MTCL2: variants seen among roughly 807,000 people sequenced by gnomAD.
MTCL2 encodes microtubule crosslinking factor 2.
At chr20:36,863,181 C>A in the MTCL2 span, 2 of 1,268,696 alleles carry the variant, frequency 1.6e-6, no homozygotes, top group South Asian at 2.4e-5. This position sits in a 1 kb window ranked among gnomAD's most constrained non-coding sequence, Gnocchi z 6.2. Context: ...TGAGCCCGGG[C>A]CTGGGCCGCG....
chr20:36,827,942 C>T, the MTCL2 span, among the ~76,000 whole-genome samples: 1 of 152,222 alleles, frequency 6.6e-6, no homozygotes, highest in Admixed American at 6.5e-5. Context: ...CCCTTAGCAG[C>T]AAACGCCTCC....
the MTCL2 span, among the ~76,000 whole-genome samples, chr20:36,824,493 G>A: frequency 6.6e-6 from 1 of 151,994 alleles, no homozygotes; most frequent in Non-Finnish European, 1.5e-5. Flanking sequence ...TGGTTGCTGG[G>A]GGCAAGAGGG....
At chr20:36,815,082 A>T in the MTCL2 span, 2 of 1,509,406 alleles carry the variant, frequency 1.3e-6, no homozygotes, top group Middle Eastern at 1.8e-4. This position sits in a 1 kb window ranked among gnomAD's most constrained non-coding sequence, Gnocchi z 5.3. Context: ...AAACAAAACA[A>T]AGGAAAAAAA....
the MTCL2 span, among the ~76,000 whole-genome samples, chr20:36,801,939 G>C: frequency 6.6e-6 from 1 of 151,848 alleles, no homozygotes; most frequent in Admixed American, 6.6e-5. Flanking sequence ...ACTCCAGCCT[G>C]GGCGACAGAG....
At chr20:36,790,528 G>A in the MTCL2 span, among the ~76,000 whole-genome samples, 5 of 147,430 alleles carry the variant, frequency 3.4e-5, no homozygotes, top group South Asian at 2.2e-4. Flanking sequence ...TCCACCTCCC[G>A]GCTTCAAGCA....
the MTCL2 span, chr20:36,817,613 G>A: frequency 2.9e-6 from 2 of 685,274 alleles, no homozygotes; most frequent in Middle Eastern, 3.2e-4. Flanking sequence ...GGCACTGACT[G>A]TTGAGTAAGA....
the MTCL2 span, among the ~76,000 whole-genome samples, chr20:36,792,724 A>C: frequency 6.6e-6 from 1 of 152,114 alleles, no homozygotes; most frequent in Non-Finnish European, 1.5e-5. Flanking sequence ...TGTGACCATC[A>C]GGTCTGTGTT....
At chr20:36,787,885 GAAAAA>G in the MTCL2 span, among the ~76,000 whole-genome samples, 1 of 54,538 alleles carries the variant, frequency 1.8e-5, no homozygotes, top group Non-Finnish European at 3.5e-5. Context: ...GACTCCATCT[GAAAAA>G]AAAAAAAAAA....
At chr20:36,809,338 AC>A in the MTCL2 span, among the ~76,000 whole-genome samples, 3 of 152,234 alleles carry the variant, frequency 2.0e-5, no homozygotes, top group African/African-American at 7.2e-5. Context: ...GGCCCACCAT[AC>A]AGTAAGGGCT....
At chr20:36,783,732 C>G in the MTCL2 span, 1 of 983,334 alleles carries the variant, frequency 1.0e-6, no homozygotes, top group South Asian at 4.7e-5. Context: ...GGGAATGTTA[C>G]CAAGACTTAA....
At chr20:36,795,081 G>A in the MTCL2 span, among the ~76,000 whole-genome samples, 1 of 152,070 alleles carries the variant, frequency 6.6e-6, no homozygotes, top group Admixed American at 6.6e-5. Context: ...TGAAATTACA[G>A]GCGTGCGCCA....
chr20:36,785,607 G>C, the MTCL2 span: 1 of 985,356 alleles, frequency 1.0e-6, no homozygotes, highest in Non-Finnish European at 1.2e-6. Context: ...CTGCCTCTCA[G>C]GGTGCCAGGG....
chr20:36,782,766 C>T, the MTCL2 span: 20 of 152,456 alleles, frequency 1.3e-4, no homozygotes, highest in East Asian at 3.7e-3. Context: ...AACTCCTGAC[C>T]TCAACTGATC....
At chr20:36,839,543 T>C in the MTCL2 span, 3 of 1,022,670 alleles carry the variant, frequency 2.9e-6, no homozygotes, top group South Asian at 1.6e-5. The surrounding 1 kb of genome is among the most constrained non-coding windows in gnomAD (Gnocchi z 5.1). Context: ...GTGGGGGACC[T>C]GGATGTGGCA....
the MTCL2 span, among the ~76,000 whole-genome samples, chr20:36,849,525 C>T: frequency 6.6e-6 from 1 of 152,102 alleles, no homozygotes; most frequent in Non-Finnish European, 1.5e-5. Context: ...GCCTTGACCT[C>T]TTGGACTAAA....
At chr20:36,817,387 C>A in the MTCL2 span, 3 of 1,563,932 alleles carry the variant, frequency 1.9e-6, no homozygotes, top group Non-Finnish European at 2.6e-6. Flanking sequence ...AACCTTCCTA[C>A]GGGGGCTGCT....
chr20:36,862,693 G>A, the MTCL2 span: 6 of 1,499,466 alleles, frequency 4.0e-6, no homozygotes, highest in Admixed American at 2.1e-5. Context: ...AGCTCCTCCA[G>A]CTCCCGCACC....
the MTCL2 span, among the ~76,000 whole-genome samples, chr20:36,830,938 G>A: frequency 6.6e-6 from 1 of 152,202 alleles, no homozygotes; most frequent in Non-Finnish European, 1.5e-5. Context: ...CTAGTTGTCT[G>A]GGATGTAGAA....
the MTCL2 span, among the ~76,000 whole-genome samples, chr20:36,789,369 T>C: frequency 6.6e-6 from 1 of 152,100 alleles, no homozygotes; most frequent in Admixed American, 6.5e-5. Context: ...GAGATTAACA[T>C]GTAAATTCTC....
Sources: allele counts gnomAD v4.1 joint callset (sites outside exome capture counted in the v4.1 genomes callset), GRCh38; gene constraint gnomAD v4.1.1; non-coding constraint Gnocchi (gnomAD v3.1); transcripts MANE v1.5; gene names NCBI Gene and HGNC (gene_info 2026-07-23, HGNC 2026-07-21).